Variants in REEP4 observed in about 807,000 individuals in gnomAD.
The protein encoded by REEP4 is receptor expression-enhancing protein 4.
Under a neutral mutation model 33.5 loss-of-function variants are expected in REEP4, and 17 were observed. That is an observed-to-expected ratio of 0.51 (90% CI 0.35 to 0.76). The LOEUF is 0.76. Among genes scored for constraint, REEP4 ranks in the 30% least tolerant of loss-of-function variants. The pLI is 0.01. For missense variants in REEP4, 340 were observed against 357.9 expected, an observed-to-expected ratio of 0.95 and a Z score of 0.40; for synonymous variants, 157 against 142.9, an observed-to-expected ratio of 1.10 and a Z score of -0.70.
At chr8:22,139,750 C>G in intron 4 of REEP4, 1 of 729,928 alleles carries the variant, frequency 1.4e-6, no homozygotes, top group Non-Finnish European at 2.2e-6. Context: ...CCACTACCCC[C>G]AAACCAATTT....
chr8:22,140,000 C>T lies in REEP4; in HGVS notation c.266G>A (p.Arg89His), dbSNP rs530601467. Residue 89 changes from arginine to histidine, a missense_variant, in exon 4 of 8, where the codon CGC becomes CAC. Physicochemically the swap from Arg to His is conservative, Grantham distance 29. Coordinates refer to ENST00000306306, the MANE Select transcript of REEP4 (RefSeq NM_025232.4). The stretch of plus-strand genomic sequence containing the variant: ...GGACAGGGACGGGTGGACAAACTTG[C>T]GGTAAAGCAGGCTGGCGCCCTTGGT... ...PYTKGASLLY[R>H]KFVHPSLSRH... The T allele has an allele frequency of 4.0e-5, 63 of 1,591,366 alleles. No homozygotes were observed. Among genetic ancestry groups the T allele is most frequent in the East Asian group, 1.2e-4 (5 of 43,472 alleles).
chr8:22,138,964 T>C lies in REEP4; in HGVS notation c.515A>G (p.Tyr172Cys). 6.2e-7 allele frequency: 1 copy of C among 1,607,798 alleles called. No individual in the cohort carries two copies. The highest frequency in any genetic ancestry group is 8.5e-7 in the Non-Finnish European group (1 of 1,177,340). The change falls in exon 6 of 8, where the codon TAC becomes TGC. Residue 172 changes from tyrosine (Y) to cysteine (C), a missense_variant. Physicochemically the swap from Tyr to Cys is radical, Grantham distance 194. Transcript: ENST00000306306. ...APAPAYHDPL[Y>C]LEDQVSHRRP... is the part of the protein sequence containing the mutation. ...CCGGTGGGACACCTGGTCCTCCAGG[T>C]AGAGGGGGTCATGGTAGGCAGGGGC...
At position 22,138,537 on chromosome 8, in the gene REEP4, G is replaced by C; in HGVS notation, c.724C>G (p.Leu242Val). The change falls in exon 8 of 8, where the codon CTG (leucine) becomes GTG (valine). Residue 242 changes from leucine to valine, a missense_variant. Leu to Val is a conservative substitution (Grantham distance 32). Coordinates refer to ENST00000306306, the MANE Select transcript of REEP4 (RefSeq NM_025232.4). Reference protein sequence around the residue: ...PPVREGTSRSLKVRTRKKTVP... With the variant: ...PPVREGTSRSVKVRTRKKTVP... The stretch of plus-strand genomic sequence containing the variant: ...GTCTTTTTCCTCGTCCGAACCTTCA[G>C]GGAGCGCGAGGTGCCCTGGGGAAAG... 1 of 1,613,938 alleles carries C rather than the reference G, an allele frequency of 6.2e-7. No individual in the cohort carries two copies. Among genetic ancestry groups the C allele is most frequent in the Non-Finnish European group, 8.5e-7 (1 of 1,180,036 alleles).
chr8:22,140,031 G>C lies in REEP4; in HGVS notation c.235C>G (p.Pro79Ala). 1 of 1,610,112 alleles carries C rather than the reference G, an allele frequency of 6.2e-7. No individual in the cohort carries two copies. The highest frequency in any genetic ancestry group is 8.5e-7 in the Non-Finnish European group (1 of 1,178,186). ...AGCAGGCTGGCGCCCTTGGTGTAGG[G>C]TGAGAGCAGCCACAGCACGAAGGCC... The part of the protein sequence containing the change: ...KMAFVLWLLS[P>A]YTKGASLLYR... Residue 79 changes from proline to alanine, a missense_variant, in exon 4 of 8, where the codon CCC (proline) becomes GCC (alanine). Coordinates refer to ENST00000306306, the MANE Select transcript of REEP4 (RefSeq NM_025232.4).
intron 1 of REEP4, 152 bp from the exon 2 acceptor site, chr8:22,140,849 G>A: frequency 1.5e-6 from 1 of 686,266 alleles, no homozygotes; most frequent in Non-Finnish European, 2.5e-6. Flanking sequence ...CAGAGCCCTG[G>A]AGGCCACCTC....
intron 1 of REEP4, 48 bp downstream of exon 1, chr8:22,141,403 C>T (rs779459795): frequency 1.3e-6 from 2 of 1,585,974 alleles, no homozygotes; most frequent in Admixed American, 1.8e-5. Context: ...ACCACAGGGG[C>T]GGGACGGCAC....
intron 5 of REEP4, 168 bp from the exon 6 acceptor site, chr8:22,139,229 C>T (rs985782509): frequency 3.9e-6 from 4 of 1,019,056 alleles, no homozygotes; most frequent in African/African-American, 1.6e-5. Flanking sequence ...CCGCTGCTTA[C>T]GCTCAGTGCC....
chr8:22,139,290 C>G (rs1827186034), intron 5 of REEP4, 126 bp downstream of exon 5: 1 of 941,338 alleles, frequency 1.1e-6, no homozygotes, highest in East Asian at 2.6e-5. Context: ...GCCAATACCC[C>G]CCCGTCACCT....
chr8:22,141,537 T>G lies in REEP4; in HGVS notation c.-55A>C. 6.4e-7 allele frequency: 1 copy of G among 1,569,548 alleles called. No individual in the cohort carries two copies. ...CCCAGGAAGCCGCTCAGAAGGACGT[T>G]CACTCAAGGGCTGGGACGGGGGGTG... On this transcript the variant is annotated 5_prime_UTR_variant, in exon 1 of 8. Coordinates refer to ENST00000306306, the MANE Select transcript of REEP4 (RefSeq NM_025232.4).
chr8:22,138,718 G>A lies in REEP4; in HGVS notation c.629C>T (p.Ala210Val), dbSNP rs778223149. The change falls in exon 7 of 8, where the codon GCG becomes GTG. Residue 210 changes from alanine (A) to valine (V), a missense_variant. Coordinates refer to ENST00000306306, the MANE Select transcript of REEP4 (RefSeq NM_025232.4). ...CWSDTEAVPR[A>V]PARPREKPLI... The stretch of plus-strand genomic sequence containing the variant: ...GGGCTTCTCTCGGGGCCGGGCTGGC[G>A]CCCGGGGGACTGCCTCAGTATCTGA... 2.2e-5 allele frequency: 35 copies of A among 1,612,824 alleles called. No individual in the cohort carries two copies. In the East Asian group the frequency reaches 4.5e-4, roughly 21 times the overall value.
rs748231480 is a variant in REEP4 at position 22,140,618 on chromosome 8, C to T, written c.105+7G>A. 1.2e-5 allele frequency: 20 copies of T among 1,612,566 alleles called. No individual in the cohort carries two copies. The highest frequency in any genetic ancestry group is 1.2e-4 in the South Asian group (11 of 90,918). On this transcript the variant is annotated splice_region_variant and intron_variant, in intron 2 of 7. Transcript: ENST00000306306. Reference sequence around the variant, plus strand: ...CCTATTAAACACACCCAAACCCCCACGCTCACATATTCACGAATGTTCTTG... The same window carrying T: ...CCTATTAAACACACCCAAACCCCCATGCTCACATATTCACGAATGTTCTTG...
chr8:22,140,114 A>C (rs1442048186), intron 3 of REEP4, 31 bp from the exon 4 acceptor site: 2 of 1,614,132 alleles, frequency 1.2e-6, no homozygotes, highest in Non-Finnish European at 1.7e-6. Context: ...GGGTGAGCCA[A>C]GGAGCAGGGC....
intron 1 of REEP4, 67 bp from the exon 2 acceptor site, chr8:22,140,764 T>G: frequency 7.2e-7 from 1 of 1,380,270 alleles, no homozygotes; most frequent in Non-Finnish European, 1.0e-6. Flanking sequence ...AAGTGGCCAT[T>G]TCCCCCCACT....
chr8:22,141,840 G>T lies in REEP4; in HGVS notation c.-358C>A. 1 of 285,064 alleles carries T rather than the reference G, an allele frequency of 3.5e-6. No individual in the cohort carries two copies. The allele number at this position is 285,064 out of a possible 1,614,324, so 17.7% of individuals were successfully genotyped here. A position where few individuals can be genotyped will look rare whatever the true frequency, so the allele number is the denominator to read the frequency against. On this transcript the variant is annotated 5_prime_UTR_variant, in exon 1 of 8. Transcript: ENST00000306306. Reference sequence around the variant, plus strand: ...GAGCGGGTCGCCGCGGTTCCAGCGCGCCGGGCCACCAGCACCGGCCTACAG... The same window carrying T: ...GAGCGGGTCGCCGCGGTTCCAGCGCTCCGGGCCACCAGCACCGGCCTACAG...
At position 22,138,717 on chromosome 8, in the gene REEP4, C is replaced by T. The variant is rs756582727; in HGVS notation, c.630G>A (p.Ala210=). 2.2e-5 allele frequency: 35 copies of T among 1,612,696 alleles called. No individual in the cohort carries two copies. Among genetic ancestry groups the T allele is most frequent in the African/African-American group, 9.4e-5 (7 of 74,838 alleles). ...GGGGCTTCTCTCGGGGCCGGGCTGG[C>T]GCCCGGGGGACTGCCTCAGTATCTG... ...CWSDTEAVPR[A]PARPREKPLI... The change falls in exon 7 of 8, where the codon GCG becomes GCA. Residue 210 remains alanine (A), a synonymous_variant. Coordinates refer to ENST00000306306, the MANE Select transcript of REEP4 (RefSeq NM_025232.4).
Position 22,138,148 on chromosome 8 carries a change from G to A in REEP4, c.*339C>T, listed in dbSNP as rs1307320200. The A allele has an allele frequency of 1.7e-6, 1 of 597,166 alleles. No homozygotes were observed. Among genetic ancestry groups the A allele is most frequent in the Admixed American group, 2.9e-5 (1 of 34,028 alleles). The allele number at this position is 597,166 out of a possible 1,614,324, so 37.0% of individuals were successfully genotyped here. On this transcript the variant is annotated 3_prime_UTR_variant, in exon 8 of 8. Coordinates refer to ENST00000306306, the MANE Select transcript of REEP4 (RefSeq NM_025232.4). ...ATCAAGTACTTTGAAGGACAGGAAG[G>A]AATGAACACACCCAGGTGGACGTTT...
chr8:22,139,831 C>T, intron 4 of REEP4, 132 bp downstream of exon 4: 3 of 1,146,730 alleles, frequency 2.6e-6, no homozygotes, highest in Non-Finnish European at 3.7e-6. Context: ...TGGGCCCTGT[C>T]AAGGTCCTGC....
chr8:22,140,292 C>T (rs954951817), intron 2 of REEP4, 44 bp from the exon 3 acceptor site: 3 of 1,595,886 alleles, frequency 1.9e-6, no homozygotes, highest in Non-Finnish European at 1.7e-6. Flanking sequence ...CCTGCAGCAC[C>T]AACTCCCAAC....
intron 4 of REEP4, chr8:22,139,749 C>A: frequency 1.4e-6 from 1 of 727,132 alleles, no homozygotes; most frequent in Non-Finnish European, 2.2e-6. Flanking sequence ...ACCACTACCC[C>A]CAAACCAATT....
Sources: gnomAD v4.1 joint callset for allele counts on GRCh38, gnomAD v4.1.1 for gene constraint, MANE v1.5 for transcripts, NCBI Gene and HGNC (gene_info 2026-07-23, HGNC 2026-07-21) for gene names.